CCDC7: variants seen among roughly 807,000 people sequenced by gnomAD.
CCDC7 encodes coiled-coil domain containing 7, also known as coiled-coil domain-containing protein 7.
A neutral mutation model predicts 196.9 loss-of-function variants in CCDC7; 183 were observed. That is an observed-to-expected ratio of 0.93 (90% CI 0.82 to 1.05). The LOEUF (loss-of-function observed/expected upper bound fraction) is 1.05. Among genes scored for constraint, CCDC7 ranks in the 50% least tolerant of loss-of-function variants. The pLI is 0.00. For synonymous variants in CCDC7, 525 were observed against 484.6 expected (o/e 1.08, Z -1.10); for missense variants, 1,540 against 1,482.2 (o/e 1.04, Z -0.64).
At chr10:32,577,484 T>A (rs376963283) in intron 16 of CCDC7, among the ~76,000 whole-genome samples, 1 of 152,220 alleles carries the variant, frequency 6.6e-6, no homozygotes, top group African/African-American at 2.4e-5. Flanking sequence ...GATTGTGCTC[T>A]ATGGCCATGA....
At chr10:32,845,916 T>C in exon 36 of CCDC7, 1 of 1,612,378 alleles carries the variant, frequency 6.2e-7, no homozygotes, top group Non-Finnish European at 8.5e-7. Flanking sequence ...TTGGAAGAGG[T>C]ATAATAATAG....
At chr10:32,477,259 A>G (rs1005288248) in intron 8 of CCDC7, among the ~76,000 whole-genome samples, 1 of 151,362 alleles carries the variant, frequency 6.6e-6, no homozygotes, top group African/African-American at 2.4e-5. Context: ...GCTGGAGTAC[A>G]ATGGTGCAAT....
At chr10:32,732,857 A>G (rs2084225518) in intron 28 of CCDC7, among the ~76,000 whole-genome samples, 1 of 152,130 alleles carries the variant, frequency 6.6e-6, no homozygotes, top group South Asian at 2.1e-4. Context: ...TAGTATTTGC[A>G]GAACACAATT....
intron 24 of CCDC7, among the ~76,000 whole-genome samples, chr10:32,699,740 G>C (rs189257288): frequency 2.7e-5 from 4 of 149,162 alleles, no homozygotes; most frequent in Non-Finnish European, 5.9e-5. Flanking sequence ...TTTAATGATC[G>C]TCATTCTAAC....
intron 24 of CCDC7, among the ~76,000 whole-genome samples, chr10:32,704,561 C>T (rs1277719024): frequency 6.6e-6 from 1 of 152,128 alleles, no homozygotes; most frequent in Admixed American, 6.5e-5. Flanking sequence ...TTTAAGTCTG[C>T]AGAGGTTTCT....
At chr10:32,640,719 G>C (rs1249520405) in intron 20 of CCDC7, among the ~76,000 whole-genome samples, 1 of 151,988 alleles carries the variant, frequency 6.6e-6, no homozygotes, top group Non-Finnish European at 1.5e-5. Context: ...GACAAAATCT[G>C]TCAGCATTTG....
intron 9 of CCDC7, among the ~76,000 whole-genome samples, chr10:32,493,361 T>TTTTATA (rs1035495891): frequency 4.7e-5 from 7 of 150,054 alleles, no homozygotes; most frequent in Non-Finnish European, 7.4e-5. Context: ...CTGGATAATA[T>TTTTATA]TTTATATTTA....
chr10:32,873,011 G>T (rs547730906), intron 41 of CCDC7, among the ~76,000 whole-genome samples: 3 of 152,130 alleles, frequency 2.0e-5, no homozygotes, highest in East Asian at 1.9e-4. Context: ...TGACAATTAT[G>T]TGTCTTGGAT....
At position 32,828,461 on chromosome 10, in the gene CCDC7, A is replaced by AGAAGAAGAG. The variant is rs2091543061; in HGVS notation, c.3268+3862_3268+3863insAGAGGAAGA. Among the ~76,000 whole-genome samples the AGAAGAAGAG allele has an allele frequency of 1.3e-4, 9 of 70,734 alleles. 2 individuals carry two copies. Among genetic ancestry groups the AGAAGAAGAG allele is most frequent in the Admixed American group, 4.7e-4 (3 of 6,332 alleles). The allele number at this position is 70,734 out of a possible 152,430, so 46.4% of individuals were successfully genotyped here. A position where few individuals can be genotyped will look rare whatever the true frequency, so the allele number is the denominator to read the frequency against. On this transcript the variant is annotated intron_variant, in intron 32 of 41. Coordinates refer to ENST00000639629, the Ensembl canonical transcript of CCDC7. ...AAGGAGAAGAAGAAGAAGAAGAAGAAGAAGAGGAAGAGGAAGAGGAAGAGG... is the reference window on the plus strand; with the variant it reads ...AAGGAGAAGAAGAAGAAGAAGAAGAAGAAGAAGAGGAAGAGGAAGAGGAAGAGGAAGAGG...
chr10:32,582,098 T>C (rs1234070315), intron 16 of CCDC7, among the ~76,000 whole-genome samples: 3 of 93,486 alleles, frequency 3.2e-5, no homozygotes, highest in Admixed American at 3.1e-4. Flanking sequence ...TTTTTTAAAC[T>C]GTCAGCACTA....
intron 18 of CCDC7, among the ~76,000 whole-genome samples, chr10:32,604,758 T>A (rs965807253): frequency 2.0e-5 from 3 of 152,210 alleles, no homozygotes; most frequent in Admixed American, 6.5e-5. Flanking sequence ...CAACTGATTT[T>A]TTTTATGTTG....
intron 40 of CCDC7, 58 bp from the exon 42 acceptor site, chr10:32,854,342 A>C: frequency 1.0e-6 from 1 of 1,003,882 alleles, no homozygotes; most frequent in Non-Finnish European, 1.5e-6. Flanking sequence ...TAACATTTTA[A>C]AAGTTGAAAT....
rs77462704 is a variant in CCDC7, at chr10:32,678,337, T to C, written c.2123-7633T>C. Among the ~76,000 whole-genome samples, 1,207 of 152,284 alleles carry C rather than the reference T, an allele frequency of 7.9e-3. 7 individuals carry two copies. The highest frequency in any genetic ancestry group is 0.021 in the Middle Eastern group (6 of 292). On this transcript the variant is annotated intron_variant, in intron 21 of 41. Transcript: ENST00000639629. ...ATTCTTCATGATCCTTGTATTTTCATTGATGTACGTGCATTTAAAGAAGCA... is the reference window on the plus strand; with the variant it reads ...ATTCTTCATGATCCTTGTATTTTCACTGATGTACGTGCATTTAAAGAAGCA...
intron 28 of CCDC7, among the ~76,000 whole-genome samples, chr10:32,749,359 G>A (rs1201362668): frequency 2.0e-5 from 3 of 152,056 alleles, no homozygotes; most frequent in African/African-American, 7.2e-5. Context: ...CTTTTGGACT[G>A]GTGACTTATA....
chr10:32,536,938 T>G lies in CCDC7; in HGVS notation c.994-6362T>G, dbSNP rs957289354. 4.6e-5 allele frequency among the ~76,000 whole-genome samples: 7 copies of G among 152,354 alleles called. No individual in the cohort carries two copies. The East Asian group carries it at 1.3e-3, about 29-fold the overall frequency. ...GGTTGACTCCCTGTATTTGCTATTG[T>G]GAATAGTGCTGCAATAAACATATAT... On this transcript the variant is annotated intron_variant, in intron 11 of 41. Transcript: ENST00000639629.
At chr10:32,780,235 A>C (rs1332590193) in intron 29 of CCDC7, among the ~76,000 whole-genome samples, 1 of 152,162 alleles carries the variant, frequency 6.6e-6, no homozygotes, top group African/African-American at 2.4e-5. Flanking sequence ...GACACCGTCA[A>C]ACAAACAAAA....
At chr10:32,805,470 G>A (rs1387167281) in intron 30 of CCDC7, among the ~76,000 whole-genome samples, 1 of 152,122 alleles carries the variant, frequency 6.6e-6, no homozygotes, top group Non-Finnish European at 1.5e-5. Flanking sequence ...AATAAGTAAA[G>A]GAAAAAGACA....
At position 32,488,400 on chromosome 10, in the gene CCDC7, A is replaced by G. The variant is rs149776925; in HGVS notation, c.797-3522A>G. 7.2e-3 allele frequency among the ~76,000 whole-genome samples: 1,097 copies of G among 152,314 alleles called. 17 individuals are homozygous for G. Among genetic ancestry groups the G allele is most frequent in the African/African-American group, 0.024 (980 of 41,570 alleles). ...CCGTCTGTCACCCCTTTCTTTGACT[A>G]GGAAAGGGAATTCCCTGATCCCTTG... On this transcript the variant is annotated intron_variant, in intron 8 of 41. Coordinates refer to ENST00000639629, the Ensembl canonical transcript of CCDC7.
exon 25 of CCDC7, chr10:32,711,681 C>G (rs777915302): frequency 1.6e-5 from 26 of 1,595,974 alleles, no homozygotes; most frequent in Non-Finnish European, 2.0e-5. Context: ...TGTCAAAAAT[C>G]CAAGTGCAAT....
Sources: gnomAD v4.1 joint callset for allele counts (sites outside exome capture counted in the v4.1 genomes callset) on GRCh38, gnomAD v4.1.1 for gene constraint, MANE v1.5 for transcripts, NCBI Gene and HGNC (gene_info 2026-07-23, HGNC 2026-07-21) for gene names.